The following SLC6A15 variants were observed in gnomAD, a reference collection of about 807,000 sequenced individuals.
The protein encoded by SLC6A15 is solute carrier family 6 member 15, also known as sodium-dependent neutral amino acid transporter B(0)AT2.
In SLC6A15, 33 loss-of-function variants were observed where a neutral mutation model predicts 68.5. The observed-to-expected ratio is 0.48, with a 90% CI of 0.37 to 0.64. SLC6A15 has a LOEUF of 0.64. Among genes scored for constraint, SLC6A15 ranks in the 30% least tolerant of loss-of-function variants. The probability of loss-of-function intolerance (pLI) is 0.00; values close to 1 mark genes in which losing one functional copy is unlikely to be tolerated. For synonymous variants in SLC6A15, 347 were observed against 301.0 expected (o/e 1.15, Z -1.58); for missense variants, 747 against 874.3 (o/e 0.85, Z 1.84).
chr12:84,879,245 A>G (rs1421767330), intron 5 of SLC6A15, among the ~76,000 whole-genome samples: 1 of 151,820 alleles, frequency 6.6e-6, no homozygotes, highest in African/African-American at 2.4e-5. Flanking sequence ...CAACCATCGA[A>G]CCCTACTCCA....
chr12:84,901,475 G>A (rs996279574), intron 1 of SLC6A15, among the ~76,000 whole-genome samples: 1 of 151,564 alleles, frequency 6.6e-6, no homozygotes, highest in Non-Finnish European at 1.5e-5. Flanking sequence ...ATTGGTAATA[G>A]GTCTTTTTCT....
At chr12:84,862,175 C>T (rs1225165825) in intron 11 of SLC6A15, among the ~76,000 whole-genome samples, 169 bp from the exon 12 acceptor site, 2 of 152,144 alleles carry the variant, frequency 1.3e-5, no homozygotes, top group Non-Finnish European at 2.9e-5. Flanking sequence ...AAGACTAGGC[C>T]TCAAAGGCCT....
At position 84,870,578 on chromosome 12, in the gene SLC6A15, G is replaced by A. The variant is rs373369238; in HGVS notation, c.1395C>T (p.Leu465=). ...ASPFWSVMFF[L]MLVNLGLGSM... ...TGCCAAGGCCTAGATTGACCAGCATGAGGAAAAACATCACTGACCAGAAGG... is the reference window on the plus strand; with the variant it reads ...TGCCAAGGCCTAGATTGACCAGCATAAGGAAAAACATCACTGACCAGAAGG... Residue 465 remains leucine, a synonymous_variant, in exon 9 of 12, where the codon CTC becomes CTT. Transcript: ENST00000266682. The A allele has an allele frequency of 1.9e-6, 3 of 1,612,774 alleles. No homozygotes were observed. Among genetic ancestry groups the A allele is most frequent in the South Asian group, 1.1e-5 (1 of 90,866 alleles).
At chr12:84,862,082 A>C in intron 11 of SLC6A15, 76 bp from the exon 12 acceptor site, 1 of 1,416,074 alleles carries the variant, frequency 7.1e-7, no homozygotes, top group Non-Finnish European at 9.5e-7. Context: ...ACTTGCTTCA[A>C]GTTTGTAAGC....
At chr12:84,890,032 G>C (rs1353838067) in intron 2 of SLC6A15, among the ~76,000 whole-genome samples, 1 of 152,022 alleles carries the variant, frequency 6.6e-6, no homozygotes, top group East Asian at 1.9e-4. Context: ...CTATCTTCTG[G>C]TTGTTTAGTC....
rs1310986004 is a variant in SLC6A15 at position 84,873,734 on chromosome 12, GT to G, written c.868-407del. ...AATAGTTGCTTCACTAACACTCCAT[GT>G]TTTGTGTTTTCTGCTGTTAATCTAA... On this transcript the variant is annotated intron_variant, in intron 6 of 11. Coordinates refer to ENST00000266682, the MANE Select transcript of SLC6A15 (RefSeq NM_182767.6). Among the ~76,000 whole-genome samples the G allele has an allele frequency of 3.3e-5, 5 of 152,110 alleles. No homozygotes were observed. In the East Asian group the frequency reaches 9.6e-4, roughly 29 times the overall value.
At chr12:84,904,679 T>C (rs1371529282) in intron 1 of SLC6A15, among the ~76,000 whole-genome samples, 1 of 152,200 alleles carries the variant, frequency 6.6e-6, no homozygotes, top group African/African-American at 2.4e-5. Flanking sequence ...ATTTAGTCAA[T>C]CATATGTAAA....
chr12:84,912,203 G>A (rs1873501151), intron 1 of SLC6A15, among the ~76,000 whole-genome samples: 1 of 152,064 alleles, frequency 6.6e-6, no homozygotes, highest in African/African-American at 2.4e-5. Flanking sequence ...GGTCTCTGGG[G>A]ATGCTGTGGG....
chr12:84,881,492 TCCA>T, intron 5 of SLC6A15: 1 of 985,394 alleles, frequency 1.0e-6, no homozygotes, highest in Non-Finnish European at 1.2e-6. Context: ...TTCAGTAAAA[TCCA>T]GTATTGCAGA....
chr12:84,908,300 T>C (rs550094721), intron 1 of SLC6A15, among the ~76,000 whole-genome samples: 16 of 152,158 alleles, frequency 1.1e-4, no homozygotes, highest in African/African-American at 3.9e-4. Flanking sequence ...CCTTTTTTGC[T>C]AGTATAATTA....
At position 84,861,852 on chromosome 12, in the gene SLC6A15, T is replaced by G; in HGVS notation, c.1973A>C (p.Lys658Thr). 1.2e-6 allele frequency: 2 copies of G among 1,613,906 alleles called. No individual in the cohort carries two copies. Among genetic ancestry groups the G allele is most frequent in the Non-Finnish European group, 1.7e-6 (2 of 1,179,928 alleles). The change falls in exon 12 of 12, where the codon AAG (lysine) becomes ACG (threonine). Residue 658 changes from lysine to threonine, a missense_variant. Coordinates refer to ENST00000266682, the MANE Select transcript of SLC6A15 (RefSeq NM_182767.6). ...SSGNLASVTYKRGRVLKEPVN... is the reference protein window; with the variant it reads ...SSGNLASVTYTRGRVLKEPVN... ...AGGCTCTTTCAGGACCCTTCCTCTC[T>G]TATAGGTCACAGATGCTAAATTACC...
intron 1 of SLC6A15, among the ~76,000 whole-genome samples, chr12:84,903,275 G>A (rs1295292144): frequency 6.6e-6 from 1 of 151,950 alleles, no homozygotes; most frequent in African/African-American, 2.4e-5. Context: ...TTAACGTAAG[G>A]TATACCTCAT....
chr12:84,869,478 A>C (rs1871200457), intron 9 of SLC6A15, among the ~76,000 whole-genome samples: 1 of 151,348 alleles, frequency 6.6e-6, no homozygotes, highest in Admixed American at 6.6e-5. Context: ...AAAAAAAAAA[A>C]AAAAAAAAAG....
intron 5 of SLC6A15, among the ~76,000 whole-genome samples, chr12:84,879,578 G>T (rs147676731): frequency 2.0e-5 from 3 of 151,638 alleles, no homozygotes; most frequent in African/African-American, 7.2e-5. Context: ...CACCCGCCTC[G>T]GCCTCCAAAA....
chr12:84,881,776 G>A, intron 5 of SLC6A15: 7 of 915,804 alleles, frequency 7.6e-6, no homozygotes, highest in Non-Finnish European at 9.1e-6. Flanking sequence ...TGTTTAGTAG[G>A]TAAACACAAA....
intron 5 of SLC6A15, chr12:84,883,218 T>A: frequency 5.1e-6 from 5 of 984,888 alleles, no homozygotes; most frequent in Non-Finnish European, 6.0e-6. Context: ...TAGAGCGTCC[T>A]TTAAAAATAA....
rs563497183 is a variant in SLC6A15, at chr12:84,882,486, A to G, written c.756+1373T>C. ...AAATGTAAAATCAGCTACAATTTAC[A>G]AGTTAAAAAGTCACTAAAATTTTTA... On this transcript the variant is annotated intron_variant, in intron 5 of 11. Coordinates refer to ENST00000266682, the MANE Select transcript of SLC6A15 (RefSeq NM_182767.6). 178 of 928,972 alleles carry G rather than the reference A, an allele frequency of 1.9e-4. 5 individuals carry two copies. In the South Asian group the frequency reaches 6.6e-3, roughly 34 times the overall value. The allele number at this position is 928,972 out of a possible 1,614,324, so 57.5% of individuals were successfully genotyped here.
chr12:84,892,547 C>T (rs935964733), intron 1 of SLC6A15, among the ~76,000 whole-genome samples: 1 of 152,078 alleles, frequency 6.6e-6, no homozygotes, highest in African/African-American at 2.4e-5. Context: ...AGATACACTC[C>T]AATGCATAAT....
At chr12:84,865,347 G>A (rs1211693709) in intron 10 of SLC6A15, among the ~76,000 whole-genome samples, 5 of 152,134 alleles carry the variant, frequency 3.3e-5, no homozygotes, top group Admixed American at 6.5e-5. Flanking sequence ...GCTGAAAGTA[G>A]AGAGATTTCC....
Sources: allele counts gnomAD v4.1 joint callset (sites outside exome capture counted in the v4.1 genomes callset), GRCh38; gene constraint gnomAD v4.1.1; transcripts MANE v1.5; gene names NCBI Gene and HGNC (gene_info 2026-07-23, HGNC 2026-07-21).